CTCFL: variants seen among roughly 807,000 people sequenced by gnomAD.
CTCFL encodes the protein transcriptional repressor CTCFL.
CTCFL carries 36 observed loss-of-function variants against 67.4 expected under a neutral mutation model. That is an observed-to-expected ratio of 0.53 (90% confidence interval 0.41 to 0.71). The LOEUF is 0.71. Ranked by LOEUF, CTCFL falls within the 30% of genes least tolerant of loss-of-function variation. The pLI is 0.00. For missense variants in CTCFL, 786 were observed against 835.2 expected (o/e 0.94, Z 0.73); for synonymous variants, 324 against 302.3 (o/e 1.07, Z -0.75).
chr20:57,524,623 C>A, intron 1 of CTCFL: 1 of 1,023,578 alleles, frequency 9.8e-7, no homozygotes, highest in Non-Finnish European at 1.2e-6. Context: ...GGCTCTCGGC[C>A]AGTGCATATC....
Position 57,519,215 on chromosome 20 carries a change from G to A in CTCFL, c.917C>T (p.Thr306Ile). Reference sequence around the variant, plus strand: ...CTTCCCGGCAGTTTTACCTGTGTGGGTGTTAACATGGTTCCGCAGCAGAGT... The same window carrying A: ...CTTCCCGGCAGTTTTACCTGTGTGGATGTTAACATGGTTCCGCAGCAGAGT... ...TVTLLRNHVN[T>I]HTGTRPYKCN... Residue 306 changes from threonine to isoleucine, a missense_variant, in exon 4 of 11, where the codon ACC (threonine) becomes ATC (isoleucine). This residue lies in a region of CTCFL where 254 missense variants were observed against 333.9 expected (regional missense o/e 0.76). Coordinates refer to ENST00000243914, the MANE Select transcript of CTCFL (RefSeq NM_001386993.1). 1.2e-6 allele frequency: 2 copies of A among 1,614,128 alleles called. No individual in the cohort carries two copies. Among genetic ancestry groups the A allele is most frequent in the Non-Finnish European group, 1.7e-6 (2 of 1,180,004 alleles).
At chr20:57,507,836 G>C (rs1197229546) in intron 9 of CTCFL, 2 of 702,914 alleles carry the variant, frequency 2.8e-6, no homozygotes, top group African/African-American at 1.7e-5. Context: ...ACTCCATTTT[G>C]AGGTAATCTG....
Position 57,498,389 on chromosome 20 carries a change from T to A in CTCFL, c.*161A>T, listed in dbSNP as rs2067758783. 7.1e-7 allele frequency: 1 copy of A among 1,410,816 alleles called. No homozygotes were observed. Among genetic ancestry groups the A allele is most frequent in the African/African-American group, 1.4e-5 (1 of 69,308 alleles). The allele number at this position is 1,410,816 out of a possible 1,614,324, so 87.4% of individuals were successfully genotyped here. On this transcript the variant is annotated 3_prime_UTR_variant, in exon 11 of 11. Coordinates refer to ENST00000243914, the MANE Select transcript of CTCFL (RefSeq NM_001386993.1). ...AACTTAATTGTTTCAAAGAAAATGC[T>A]AAAAATTTCTAACTTGCTTTAGGAA...
chr20:57,521,326 G>A (rs73178724), intron 3 of CTCFL, among the ~76,000 whole-genome samples: 4,393 of 152,304 alleles, frequency 0.029, 110 homozygotes, highest in Non-Finnish European at 0.048. Context: ...AACACCTTTC[G>A]TCATTAGAGA....
In CTCFL at chr20:57,498,170, CA is replaced by C; in HGVS notation, c.*379del. ...CTGGTCTAGACTATTTTGAAATATC[CA>C]AAAATCACTACTCACTCATTGTGGG... On this transcript the variant is annotated 3_prime_UTR_variant, in exon 11 of 11. Transcript: ENST00000243914. 2.0e-6 allele frequency: 2 copies of C among 992,320 alleles called. No homozygotes were observed. Among genetic ancestry groups the C allele is most frequent in the Non-Finnish European group, 2.4e-6 (2 of 834,542 alleles). 61.5% of individuals were successfully genotyped at this position (992,320 alleles called of 1,614,324 possible). A position where few individuals can be genotyped will look rare whatever the true frequency, so the allele number is the denominator to read the frequency against.
chr20:57,517,602 G>T (rs1344543479), intron 5 of CTCFL, among the ~76,000 whole-genome samples: 1 of 152,150 alleles, frequency 6.6e-6, no homozygotes, highest in Non-Finnish European at 1.5e-5. Context: ...TTTAAAAAAA[G>T]GGGCACATCT....
chr20:57,520,141 G>C (rs1425738932), intron 3 of CTCFL, among the ~76,000 whole-genome samples: 1 of 152,136 alleles, frequency 6.6e-6, no homozygotes, highest in African/African-American at 2.4e-5. Flanking sequence ...GCATGTCCTG[G>C]GTGGTTCTAA....
At chr20:57,507,456 C>G (rs2068271189) in intron 9 of CTCFL, 1 of 643,748 alleles carries the variant, frequency 1.6e-6, no homozygotes, top group Admixed American at 2.1e-5. Flanking sequence ...CCTTGGCCTC[C>G]CGAAGTACTG....
Position 57,497,282 on chromosome 20 carries a change from C to A in CTCFL, c.*1268G>T. 1.0e-6 allele frequency: 1 copy of A among 984,002 alleles called. No homozygotes were observed. Among genetic ancestry groups the A allele is most frequent in the South Asian group, 4.7e-5 (1 of 21,256 alleles). 61.0% of individuals were successfully genotyped at this position (984,002 alleles called of 1,614,324 possible). A position where few individuals can be genotyped will look rare whatever the true frequency, so the allele number is the denominator to read the frequency against. On this transcript the variant is annotated 3_prime_UTR_variant, in exon 11 of 11. Transcript: ENST00000243914. Reference sequence around the variant, plus strand: ...CACAATGATGGCATACTACAGCCCACAGAATTTAAATCTCATGTGAGTTGA... The same window carrying A: ...CACAATGATGGCATACTACAGCCCAAAGAATTTAAATCTCATGTGAGTTGA...
chr20:57,498,874 C>A (rs1420159914), intron 10 of CTCFL, among the ~76,000 whole-genome samples, 173 bp from the exon 11 acceptor site: 4 of 152,192 alleles, frequency 2.6e-5, no homozygotes, highest in Admixed American at 6.5e-5. Flanking sequence ...CTACTGCCTT[C>A]AGTCAGGGCT....
intron 5 of CTCFL, among the ~76,000 whole-genome samples, chr20:57,517,719 G>T (rs1367480248): frequency 6.6e-6 from 1 of 152,036 alleles, no homozygotes; most frequent in Non-Finnish European, 1.5e-5. Context: ...GGGGGGCTAT[G>T]GCAGCAATAG....
In CTCFL at chr20:57,497,636, A is replaced by C. The variant is rs1600628889; in HGVS notation, c.*914T>G. 1 of 980,110 alleles carries C rather than the reference A, an allele frequency of 1.0e-6. No homozygotes were observed. The highest frequency in any genetic ancestry group is 4.7e-5 in the South Asian group (1 of 21,290). 60.7% of individuals were successfully genotyped at this position (980,110 alleles called of 1,614,324 possible). A position where few individuals can be genotyped will look rare whatever the true frequency, so the allele number is the denominator to read the frequency against. The stretch of plus-strand genomic sequence containing the variant: ...AACTGGCAAAAGGGAAATACTCACT[A>C]ATCACTGGGCATTATGAAAAAGTAC... On this transcript the variant is annotated 3_prime_UTR_variant, in exon 11 of 11. Coordinates refer to ENST00000243914, the MANE Select transcript of CTCFL (RefSeq NM_001386993.1).
In CTCFL at chr20:57,519,204, T is replaced by A. The variant is rs749900431; in HGVS notation, c.925+3A>T. The A allele has an allele frequency of 4.1e-5, 66 of 1,613,742 alleles. No homozygotes were observed. The Middle Eastern group carries it at 2.0e-3, about 48-fold the overall frequency. On this transcript the variant is annotated splice_donor_region_variant and intron_variant, in intron 4 of 10. Transcript: ENST00000243914. ...AGAGAAACAGCCTTCCCGGCAGTTT[T>A]ACCTGTGTGGGTGTTAACATGGTTC...
At chr20:57,503,403 G>A (rs1289702823) in intron 10 of CTCFL, 33 bp downstream of exon 10, 1 of 1,612,562 alleles carries the variant, frequency 6.2e-7, no homozygotes, top group Non-Finnish European at 8.5e-7. Flanking sequence ...AAATCACTGA[G>A]GCGGTAAAAA....
chr20:57,506,705 A>T, intron 9 of CTCFL: 1 of 772,608 alleles, frequency 1.3e-6, no homozygotes, highest in Non-Finnish European at 1.6e-6. Context: ...CTTGAATCGG[A>T]ATTTCAAAAA....
Position 57,523,899 on chromosome 20 carries a change from G to A in CTCFL, c.307C>T (p.Gln103Ter), listed in dbSNP as rs772609411. Reference protein sequence around the residue: ...ELQDMSLLSIQQQEGVQVVVQ... With the variant: ...ELQDMSLLSI ...ACCACCTGCACCCCTTCTTGCTGCTGTATGCTCAGCAAGCTCATATCCTGC... is the reference window on the plus strand; with the variant it reads ...ACCACCTGCACCCCTTCTTGCTGCTATATGCTCAGCAAGCTCATATCCTGC... Residue 103 changes from glutamine to a stop codon, truncating the protein, a stop_gained, in exon 2 of 11, where the codon CAG becomes TAG. Coordinates refer to ENST00000243914, the MANE Select transcript of CTCFL (RefSeq NM_001386993.1). LOFTEE classifies it high-confidence loss of function. 6.2e-7 allele frequency: 1 copy of A among 1,613,146 alleles called. No individual in the cohort carries two copies. Among genetic ancestry groups the A allele is most frequent in the African/African-American group, 1.3e-5 (1 of 75,040 alleles).
Position 57,523,562 on chromosome 20 carries a change from T to C in CTCFL, c.543+101A>G, listed in dbSNP as rs547744856. 1.0e-5 allele frequency: 15 copies of C among 1,475,030 alleles called. No homozygotes were observed. In the African/African-American group the frequency reaches 2.1e-4, roughly 21 times the overall value. 91.4% of individuals were successfully genotyped at this position (1,475,030 alleles called of 1,614,324 possible). ...GGGAAGTATTTGTACTGTCTTTAAT[T>C]TGCAACTGCAAAATACCTTGTCCAG... On this transcript the variant is annotated intron_variant, in intron 2 of 10. Transcript: ENST00000243914.
Position 57,498,149 on chromosome 20 carries a change from T to TC in CTCFL, c.*400dup. ...CTTTGACTGTGGAAGCACTAGCTGG[T>TC]CTAGACTATTTTGAAATATCCAAAA... On this transcript the variant is annotated 3_prime_UTR_variant, in exon 11 of 11. Coordinates refer to ENST00000243914, the MANE Select transcript of CTCFL (RefSeq NM_001386993.1). 2.0e-6 allele frequency: 2 copies of TC among 989,330 alleles called. No homozygotes were observed. The highest frequency in any genetic ancestry group is 2.4e-6 in the Non-Finnish European group (2 of 832,486). The allele number at this position is 989,330 out of a possible 1,614,324, so 61.3% of individuals were successfully genotyped here.
rs1260610384 is a variant in CTCFL at position 57,497,699 on chromosome 20, T to G, written c.*851A>C. 1 of 985,298 alleles carries G rather than the reference T, an allele frequency of 1.0e-6. No individual in the cohort carries two copies. 61.0% of individuals were successfully genotyped at this position (985,298 alleles called of 1,614,324 possible). On this transcript the variant is annotated 3_prime_UTR_variant, in exon 11 of 11. Coordinates refer to ENST00000243914, the MANE Select transcript of CTCFL (RefSeq NM_001386993.1). ...GGTACACATTTGCCTTATCTGATTT[T>G]ATGTTTCTTCTCACTCTGCCAATTA...
Sources: gnomAD v4.1 joint callset for allele counts (sites outside exome capture counted in the v4.1 genomes callset) on GRCh38, gnomAD v4.1.1 for gene constraint, gnomAD v4.1.1 regional missense constraint, MANE v1.5 for transcripts, NCBI Gene and HGNC (gene_info 2026-07-23, HGNC 2026-07-21) for gene names.